The following HPSE2 variants were observed in gnomAD, a reference collection of about 807,000 sequenced individuals.
The protein encoded by HPSE2 is heparanase 2 (inactive), also known as inactive heparanase-2.
HPSE2 carries 38 observed loss-of-function variants against 60.5 expected under a neutral mutation model. The ratio of observed to expected loss-of-function variants is 0.63; its 90% CI spans 0.48 to 0.82. HPSE2 has a LOEUF of 0.82. Ranked by LOEUF, HPSE2 falls within the 40% of genes least tolerant of loss-of-function variation. The pLI, the probability that HPSE2 is intolerant of heterozygous loss-of-function variation, is 0.00. For synonymous variants in HPSE2, 295 were observed against 293.2 expected (o/e 1.01, Z -0.06); for missense variants, 713 against 740.4 (o/e 0.96, Z 0.43).
At chr10:99,312,355 G>A in the HPSE2 span, among the ~76,000 whole-genome samples, 5 of 152,314 alleles carry the variant, frequency 3.3e-5, no homozygotes, top group South Asian at 1.0e-3. Flanking sequence ...TGACTCTCTT[G>A]TTAAGGGTTA....
intron 9 of HPSE2, among the ~76,000 whole-genome samples, chr10:98,540,140 A>G (rs973303346): frequency 6.6e-6 from 1 of 152,256 alleles, no homozygotes; most frequent in Non-Finnish European, 1.5e-5. Flanking sequence ...CTTCCTGGTA[A>G]CTAAAAGAAT....
intron 3 of HPSE2, among the ~76,000 whole-genome samples, chr10:98,896,437 T>A (rs1953494962): frequency 6.6e-6 from 1 of 152,182 alleles, no homozygotes; most frequent in Non-Finnish European, 1.5e-5. Context: ...GGAGTAGTTC[T>A]AATCATATGG....
rs778997827 is a variant in HPSE2 at position 98,529,886 on chromosome 10, TCTAA to T, written c.1321-39694_1321-39691del. On this transcript the variant is annotated intron_variant, in intron 9 of 11. Transcript: ENST00000370552. Reference sequence around the variant, plus strand: ...TGTTTCTCTCCTTCATCCTCACTCCTCTAACTTTCACCTGGATTTAGATATGCTT... The same window carrying T: ...TGTTTCTCTCCTTCATCCTCACTCCTCTTTCACCTGGATTTAGATATGCTT... Among the ~76,000 whole-genome samples, 305 of 152,344 alleles carry T rather than the reference TCTAA, an allele frequency of 2.0e-3. 1 individual carries two copies. Among genetic ancestry groups the T allele is most frequent in the Non-Finnish European group, 2.3e-3 (159 of 68,028 alleles).
At chr10:98,668,124 C>T (rs2134104788) in intron 6 of HPSE2, among the ~76,000 whole-genome samples, 1 of 152,198 alleles carries the variant, frequency 6.6e-6, no homozygotes, top group East Asian at 1.9e-4. Flanking sequence ...ACACCAATAA[C>T]ATTCTAGCTG....
chr10:99,109,603 A>G (rs958999345), intron 3 of HPSE2, among the ~76,000 whole-genome samples: 2 of 152,046 alleles, frequency 1.3e-5, no homozygotes, highest in Non-Finnish European at 2.9e-5. Flanking sequence ...ATCTCAAGAG[A>G]AGTGTTCTCA....
At chr10:99,247,715 G>T in the HPSE2 span, among the ~76,000 whole-genome samples, 1 of 152,204 alleles carries the variant, frequency 6.6e-6, no homozygotes, top group Non-Finnish European at 1.5e-5. Context: ...GTTTGGATTT[G>T]TGTCCCCACC....
intron 11 of HPSE2, among the ~76,000 whole-genome samples, chr10:98,468,067 C>G (rs1475846386): frequency 6.6e-6 from 1 of 152,266 alleles, no homozygotes; most frequent in Non-Finnish European, 1.5e-5. Context: ...CCGGCCCCCT[C>G]GCTGAGCGAG....
intron 2 of HPSE2, among the ~76,000 whole-genome samples, chr10:99,229,338 T>A (rs1358385659): frequency 6.6e-6 from 1 of 152,136 alleles, no homozygotes; most frequent in Non-Finnish European, 1.5e-5. Flanking sequence ...CTCCTTACAT[T>A]CTCTCAATCC....
chr10:98,989,451 A>G (rs1195587847), intron 3 of HPSE2, among the ~76,000 whole-genome samples: 1 of 149,360 alleles, frequency 6.7e-6, no homozygotes, highest in South Asian at 2.1e-4. Context: ...AACAATGAGA[A>G]CACATGGACA....
chr10:99,310,542 T>G, the HPSE2 span, among the ~76,000 whole-genome samples: 1 of 152,328 alleles, frequency 6.6e-6, no homozygotes, highest in East Asian at 1.9e-4. Context: ...AAAGATATTT[T>G]TAAAGAAAAT....
the HPSE2 span, among the ~76,000 whole-genome samples, chr10:99,251,966 T>G: frequency 1.3e-5 from 2 of 150,088 alleles, no homozygotes; most frequent in Admixed American, 6.7e-5. Context: ...TTAAGCCCAG[T>G]AGGCCAAGGC....
At chr10:98,578,925 T>A (rs898603738) in intron 9 of HPSE2, among the ~76,000 whole-genome samples, 2 of 152,224 alleles carry the variant, frequency 1.3e-5, no homozygotes, top group African/African-American at 4.8e-5. Context: ...CCCTGGCTTT[T>A]AATTCCTTGT....
At chr10:99,207,183 G>A (rs1848778734) in intron 2 of HPSE2, among the ~76,000 whole-genome samples, 1 of 152,106 alleles carries the variant, frequency 6.6e-6, no homozygotes, top group African/African-American at 2.4e-5. Flanking sequence ...ATATAAGGGA[G>A]TTATAATAAG....
chr10:99,192,997 A>G (rs180784563), intron 2 of HPSE2, among the ~76,000 whole-genome samples: 3 of 152,288 alleles, frequency 2.0e-5, no homozygotes, highest in Non-Finnish European at 2.9e-5. Context: ...ACAAAATATT[A>G]TACCACTATA....
At chr10:99,036,460 A>G (rs541152578) in intron 3 of HPSE2, among the ~76,000 whole-genome samples, 1 of 152,192 alleles carries the variant, frequency 6.6e-6, no homozygotes, top group Non-Finnish European at 1.5e-5. Context: ...CGATTTGAGA[A>G]ACAAAATAAA....
chr10:98,683,550 A>G (rs1947838347), intron 6 of HPSE2, among the ~76,000 whole-genome samples: 1 of 152,052 alleles, frequency 6.6e-6, no homozygotes, highest in Admixed American at 6.6e-5. Flanking sequence ...CATTTTGAGG[A>G]ATAAAAAAGA....
chr10:98,499,733 T>C (rs1941967824), intron 9 of HPSE2, among the ~76,000 whole-genome samples: 1 of 152,140 alleles, frequency 6.6e-6, no homozygotes, highest in Non-Finnish European at 1.5e-5. Flanking sequence ...TACAGAACTG[T>C]AGAATGGATA....
chr10:98,903,650 C>A (rs1409729115), intron 3 of HPSE2, among the ~76,000 whole-genome samples: 1 of 151,956 alleles, frequency 6.6e-6, no homozygotes, highest in Non-Finnish European at 1.5e-5. Context: ...TACTTTTGTT[C>A]TTGGACTAAA....
intron 3 of HPSE2, among the ~76,000 whole-genome samples, chr10:98,995,791 A>T (rs1309879973): frequency 6.6e-6 from 1 of 152,188 alleles, no homozygotes; most frequent in Non-Finnish European, 1.5e-5. Context: ...AAGAATCAAA[A>T]GAAAACCAGG....
Sources: gnomAD v4.1 joint callset for allele counts (sites outside exome capture counted in the v4.1 genomes callset) on GRCh38, gnomAD v4.1.1 for gene constraint, MANE v1.5 for transcripts, NCBI Gene and HGNC (gene_info 2026-07-23, HGNC 2026-07-21) for gene names.